Variants in CARS2 observed in about 807,000 individuals in gnomAD.
CARS2 encodes probable cysteine--tRNA ligase, mitochondrial.
CARS2 carries 52 observed loss-of-function variants against 68.8 expected under a neutral mutation model. The ratio of observed to expected loss-of-function variants is 0.76; its 90% CI spans 0.61 to 0.95. The LOEUF is 0.95. CARS2 is among the 40% of genes least tolerant of loss of function. The probability of loss-of-function intolerance (pLI) is 0.00; values close to 1 mark genes in which losing one functional copy is unlikely to be tolerated. For missense variants in CARS2, 780 were observed against 754.2 expected (o/e 1.03, Z -0.40); for synonymous variants, 314 against 303.6 (o/e 1.03, Z -0.36).
At chr13:110,712,298 T>G (rs575654492) in intron 1 of CARS2, 2 of 154,220 alleles carry the variant, frequency 1.3e-5, no homozygotes, top group African/African-American at 4.8e-5. Context: ...GTTCTCCGAC[T>G]TGCTGAAAAA....
chr13:110,678,201 T>C (rs966680606), intron 6 of CARS2: 7 of 152,258 alleles, frequency 4.6e-5, no homozygotes, highest in African/African-American at 1.7e-4. Flanking sequence ...AGAAATACTC[T>C]GCTTATCAGT....
intron 5 of CARS2, among the ~76,000 whole-genome samples, chr13:110,684,826 A>G (rs1419239808): frequency 6.6e-6 from 1 of 152,136 alleles, no homozygotes; most frequent in East Asian, 1.9e-4. Flanking sequence ...GCTTTATGTT[A>G]TCAATTTGCT....
chr13:110,663,418 C>G, intron 9 of CARS2, 33 bp downstream of exon 9: 2 of 1,597,900 alleles, frequency 1.3e-6, no homozygotes, highest in Non-Finnish European at 1.7e-6. Flanking sequence ...AAGCTATCGG[C>G]ACCTCAGAGA....
Position 110,687,664 on chromosome 13 carries a change from G to GTAAAA in CARS2, c.571+52_571+56dup. 4 of 1,109,648 alleles carry GTAAAA rather than the reference G, an allele frequency of 3.6e-6. No individual in the cohort carries two copies. In the South Asian group the frequency reaches 5.8e-5, roughly 16 times the overall value. 68.7% of individuals were successfully genotyped at this position (1,109,648 alleles called of 1,614,324 possible). A position where few individuals can be genotyped will look rare whatever the true frequency, so the allele number is the denominator to read the frequency against. ...ACTGCACTCCAGCCTGGGTGACAGAGTAAAACTCTGTCTCAAAAAAAAAAA... is the reference window on the plus strand; with the variant it reads ...ACTGCACTCCAGCCTGGGTGACAGAGTAAAATAAAACTCTGTCTCAAAAAAAAAAA... On this transcript the variant is annotated intron_variant, in intron 5 of 14. Coordinates refer to ENST00000257347, the MANE Select transcript of CARS2 (RefSeq NM_024537.4).
intron 3 of CARS2, among the ~76,000 whole-genome samples, chr13:110,694,622 G>T (rs1419293688): frequency 6.6e-6 from 1 of 152,114 alleles, no homozygotes; most frequent in African/African-American, 2.4e-5. Flanking sequence ...GGATGACAAA[G>T]TGAGACCCTG....
Position 110,687,816 on chromosome 13 carries a change from G to A in CARS2, c.476C>T (p.Pro159Leu), listed in dbSNP as rs780516056. The A allele has an allele frequency of 1.9e-6, 3 of 1,608,482 alleles. No individual in the cohort carries two copies. Among genetic ancestry groups the A allele is most frequent in the South Asian group, 1.1e-5 (1 of 90,760 alleles). Residue 159 changes from proline to leucine, a missense_variant, in exon 5 of 15, where the codon CCC (proline) becomes CTC (leucine). Pro to Leu is a moderately conservative substitution (Grantham distance 98, BLOSUM62 -3). Transcript: ENST00000257347. ...TTCGGTTACCCTCAGGTACACCGTG[G>A]GTGGGAGAACCTGCAAGGAAGTGGA... ...QDMAALKVLP[P>L]TVYLRVTENI...
At position 110,641,595 on chromosome 13, in the gene CARS2, G is replaced by A. The variant is rs1449938840; in HGVS notation, c.1637C>T (p.Thr546Ile). The change falls in exon 15 of 15, where the codon ACA (threonine) becomes ATA (isoleucine). Residue 546 changes from threonine (T) to isoleucine (I), a missense_variant. Coordinates refer to ENST00000257347, the MANE Select transcript of CARS2 (RefSeq NM_024537.4). The part of the protein sequence containing the change: ...HGINIKDRSS[T>I]TSTWELLDQR... ...ATCCAGCAGTTCCCACGTGGATGTT[G>A]TACTGCTTCTGTCCTGGAGAAGAAG... 6.2e-7 allele frequency: 1 copy of A among 1,613,786 alleles called. No homozygotes were observed. Among genetic ancestry groups the A allele is most frequent in the Non-Finnish European group, 8.5e-7 (1 of 1,179,714 alleles).
Position 110,683,131 on chromosome 13 carries a change from T to C in CARS2, c.575A>G (p.Asn192Ser), listed in dbSNP as rs1270654557. 3.8e-6 allele frequency: 6 copies of C among 1,582,372 alleles called. No individual in the cohort carries two copies. The highest frequency in any genetic ancestry group is 2.7e-5 in the African/African-American group (2 of 73,160). ...TCTAGACTTCAGATCGAAGTAGACA[T>C]TGCCTGTTTATAAAGACAATTATGA... is the stretch of plus-strand genomic sequence containing the variant. ...RGNAYSTAKGNVYFDLKSRGD... is the reference protein window; with the variant it reads ...RGNAYSTAKGSVYFDLKSRGD... Residue 192 changes from asparagine (N) to serine (S), a missense_variant, in exon 6 of 15, where the codon AAT becomes AGT. Physicochemically the swap from Asn to Ser is conservative, Grantham distance 46 (BLOSUM62 1). Coordinates refer to ENST00000257347, the MANE Select transcript of CARS2 (RefSeq NM_024537.4).
At position 110,665,496 on chromosome 13, in the gene CARS2, C is replaced by T; in HGVS notation, c.919+1844G>A. 2 of 985,464 alleles carry T rather than the reference C, an allele frequency of 2.0e-6. No homozygotes were observed. Among genetic ancestry groups the T allele is most frequent in the Non-Finnish European group, 2.4e-6 (2 of 829,966 alleles). The allele number at this position is 985,464 out of a possible 1,614,324, so 61.0% of individuals were successfully genotyped here. On this transcript the variant is annotated intron_variant, in intron 8 of 14. Transcript: ENST00000257347. The surrounding 1 kb of genome is among the most constrained non-coding windows in gnomAD (Gnocchi z 4.3). ...TCCCACATCGGAAGGTGAACACGAC[C>T]TCCGTTTCTAGACCCGGCCCCTCCT...
intron 6 of CARS2, among the ~76,000 whole-genome samples, chr13:110,679,580 AAAG>A (rs1414990366): frequency 7.7e-5 from 4 of 51,944 alleles, no homozygotes; most frequent in Middle Eastern, 0.012. Context: ...AGAGAGAAAG[AAAG>A]AAAGAAAGAA....
In CARS2 at chr13:110,676,846, T is replaced by C; in HGVS notation, c.785+128A>G. On this transcript the variant is annotated intron_variant, in intron 7 of 14. Coordinates refer to ENST00000257347, the MANE Select transcript of CARS2 (RefSeq NM_024537.4). The surrounding 1 kb of genome is among the most constrained non-coding windows in gnomAD (Gnocchi z 4.0). The stretch of plus-strand genomic sequence containing the variant: ...GGCCCGTCACACTCCGGCAAAAATC[T>C]CTTCCCAAAAAATCACCCATGGGCA... 7.9e-7 allele frequency: 1 copy of C among 1,259,226 alleles called. No homozygotes were observed. 78.0% of individuals were successfully genotyped at this position (1,259,226 alleles called of 1,614,324 possible). A position where few individuals can be genotyped will look rare whatever the true frequency, so the allele number is the denominator to read the frequency against.
At chr13:110,660,450 T>C (rs1415860599) in intron 9 of CARS2, among the ~76,000 whole-genome samples, 2 of 152,254 alleles carry the variant, frequency 1.3e-5, no homozygotes, top group African/African-American at 4.8e-5. Flanking sequence ...TCACTATCTA[T>C]GGCAGCTATA....
intron 1 of CARS2, among the ~76,000 whole-genome samples, chr13:110,711,941 T>C (rs1031725515): frequency 6.6e-6 from 1 of 152,240 alleles, no homozygotes; most frequent in Non-Finnish European, 1.5e-5. Context: ...AATACGTTTT[T>C]AAAAAATCCA....
At chr13:110,697,822 A>G in intron 3 of CARS2, 2 of 378,588 alleles carry the variant, frequency 5.3e-6, no homozygotes, top group South Asian at 3.9e-5. Flanking sequence ...ACAAACAGCA[A>G]TTGGGAAAAG....
chr13:110,707,146 ACT>A (rs2063979567), upstream of CARS2, among the ~76,000 whole-genome samples: 1 of 150,492 alleles, frequency 6.6e-6, no homozygotes, highest in Non-Finnish European at 1.5e-5. Context: ...CCCAGCAAAC[ACT>A]GTCTGCATTC....
At chr13:110,664,611 TG>T (rs2062597276) in intron 8 of CARS2, 25 of 977,312 alleles carry the variant, frequency 2.6e-5, no homozygotes, top group Non-Finnish European at 3.0e-5. Flanking sequence ...CTATATAATG[TG>T]ATTACACCAA....
rs1197739688 is a variant in CARS2, at chr13:110,665,040, C to T, written c.920-1522G>A. On this transcript the variant is annotated intron_variant, in intron 8 of 14. Transcript: ENST00000257347. This position sits in a 1 kb window ranked among gnomAD's most constrained non-coding sequence, Gnocchi z 4.3. ...CTTCCATCCACTGGGTACAGGAGAACAGGTGTCACTTCTCCTGCGTCAGGA... is the reference window on the plus strand; with the variant it reads ...CTTCCATCCACTGGGTACAGGAGAATAGGTGTCACTTCTCCTGCGTCAGGA... The T allele has an allele frequency of 3.0e-6, 3 of 985,330 alleles. No individual in the cohort carries two copies. Among genetic ancestry groups the T allele is most frequent in the Non-Finnish European group, 3.6e-6 (3 of 829,938 alleles). 61.0% of individuals were successfully genotyped at this position (985,330 alleles called of 1,614,324 possible).
At chr13:110,667,299 A>G (rs769015641) in intron 8 of CARS2, 41 bp downstream of exon 8, 1 of 1,570,918 alleles carries the variant, frequency 6.4e-7, no homozygotes, top group East Asian at 2.3e-5. Flanking sequence ...CAGAACTGCT[A>G]GAATTGAAAC....
chr13:110,664,981 C>G (rs1402833211), intron 8 of CARS2: 1 of 982,628 alleles, frequency 1.0e-6, no homozygotes, highest in Non-Finnish European at 1.2e-6. Context: ...TATAGCAGCC[C>G]TAACAGGCTG....
Sources: allele counts gnomAD v4.1 joint callset (sites outside exome capture counted in the v4.1 genomes callset), GRCh38; gene constraint gnomAD v4.1.1; non-coding constraint Gnocchi (gnomAD v3.1); transcripts MANE v1.5; gene names NCBI Gene and HGNC (gene_info 2026-07-23, HGNC 2026-07-21).